Variants in RBM6 observed in about 807,000 individuals in gnomAD.
RBM6 encodes RNA binding motif protein 6.
RBM6 carries 23 observed loss-of-function variants against 140.4 expected under a neutral mutation model. The ratio of observed to expected loss-of-function variants is 0.16; its 90% CI spans 0.12 to 0.23. RBM6 has a LOEUF of 0.23. Among genes scored for constraint, RBM6 ranks in the 10% least tolerant of loss-of-function variants. RBM6 has a pLI of 1.00. For synonymous variants in RBM6, 439 were observed against 475.6 expected (o/e 0.92, Z 1.00); for missense variants, 1,139 against 1,386.7 (o/e 0.82, Z 2.84).
chr3:50,040,627 G>A (rs1323605061), intron 6 of RBM6, among the ~76,000 whole-genome samples: 1 of 149,326 alleles, frequency 6.7e-6, no homozygotes, highest in Non-Finnish European at 1.5e-5. Flanking sequence ...TCAGGGTCTG[G>A]CTTGGAGTGT....
At chr3:49,959,429 G>C (rs1323256564) in intron 1 of RBM6, among the ~76,000 whole-genome samples, 2 of 147,094 alleles carry the variant, frequency 1.4e-5, no homozygotes, top group Non-Finnish European at 3.0e-5. Context: ...TCAATCTCCT[G>C]ACCTTGTGAT....
rs2083334952 is a variant in RBM6 at position 49,942,592 on chromosome 3, A to C, written c.-67+2367A>C. ...CTATTTCTGAAACTTTAGTATCTCA[A>C]ACAGAAACTCTGTAACCAGGGAGGG... On this transcript the variant is annotated intron_variant, in intron 1 of 20. Coordinates refer to ENST00000266022, the MANE Select transcript of RBM6 (RefSeq NM_005777.3). Among the ~76,000 whole-genome samples, 3 of 151,714 alleles carry C rather than the reference A, an allele frequency of 2.0e-5. No homozygotes were observed. The South Asian group carries it at 6.2e-4, about 32-fold the overall frequency.
intron 6 of RBM6, among the ~76,000 whole-genome samples, chr3:50,021,725 T>C (rs932478406): frequency 1.4e-5 from 2 of 142,552 alleles, no homozygotes; most frequent in African/African-American, 2.6e-5. Flanking sequence ...ATCTCCATAC[T>C]GAGGAATTTA....
intron 19 of RBM6, among the ~76,000 whole-genome samples, chr3:50,072,887 C>A (rs1386825072): frequency 6.6e-6 from 1 of 152,126 alleles, no homozygotes; most frequent in Non-Finnish European, 1.5e-5. Context: ...ATTCTCAGCA[C>A]CCTTTATACC....
At chr3:49,955,572 G>T (rs1229726171) in intron 1 of RBM6, among the ~76,000 whole-genome samples, 2 of 152,084 alleles carry the variant, frequency 1.3e-5, no homozygotes, top group African/African-American at 4.8e-5. Context: ...GCTGGGCGCA[G>T]TGGCTCACGC....
intron 14 of RBM6, 198 bp downstream of exon 14, chr3:50,061,745 A>G: frequency 3.7e-6 from 5 of 1,341,188 alleles, no homozygotes; most frequent in Non-Finnish European, 4.0e-6. Context: ...TTGTGGCAAT[A>G]CAGGTAAGAA....
intron 5 of RBM6, among the ~76,000 whole-genome samples, chr3:49,983,592 ATATG>A (rs1355489201): frequency 6.6e-6 from 1 of 152,244 alleles, no homozygotes; most frequent in Non-Finnish European, 1.5e-5. Flanking sequence ...CATTTACAAA[ATATG>A]TAAACACTTT....
In RBM6 at chr3:50,015,431, A is replaced by T. The variant is rs866610388; in HGVS notation, c.1557+15918A>T. On this transcript the variant is annotated intron_variant, in intron 6 of 20. Coordinates refer to ENST00000266022, the MANE Select transcript of RBM6 (RefSeq NM_005777.3). Reference sequence around the variant, plus strand: ...AAATTTTTATTTTATTATTATTATTATTTTTTTTTTTTTTTTTGAGATGGA... The same window carrying T: ...AAATTTTTATTTTATTATTATTATTTTTTTTTTTTTTTTTTTTGAGATGGA... 2.5e-3 allele frequency among the ~76,000 whole-genome samples: 364 copies of T among 145,840 alleles called. 1 individual carries two copies. The highest frequency in any genetic ancestry group is 4.2e-3 in the Non-Finnish European group (279 of 66,386).
Position 49,967,827 on chromosome 3 carries a change from C to G in RBM6, c.402C>G (p.Asp134Glu), listed in dbSNP as rs1473682581. The part of the protein sequence containing the change: ...DFRDREGPPM[D>E]YRGGDGTSMD... Reference sequence around the variant, plus strand: ...GGGATAGAGAAGGACCACCTATGGACTATAGGGGTGGAGATGGTACTTCTA... The same window carrying G: ...GGGATAGAGAAGGACCACCTATGGAGTATAGGGGTGGAGATGGTACTTCTA... Residue 134 changes from aspartate to glutamate, a missense_variant, in exon 3 of 21, where the codon GAC becomes GAG. Asp to Glu is a conservative substitution (Grantham distance 45). This residue lies in a region of RBM6 where 566 missense variants were observed against 612.7 expected (regional missense o/e 0.92). Coordinates refer to ENST00000266022, the MANE Select transcript of RBM6 (RefSeq NM_005777.3). The surrounding 1 kb of genome is among the most constrained non-coding windows in gnomAD (Gnocchi z 4.0). 1.2e-6 allele frequency: 2 copies of G among 1,614,010 alleles called. No individual in the cohort carries two copies. The highest frequency in any genetic ancestry group is 1.7e-6 in the Non-Finnish European group (2 of 1,180,016).
intron 6 of RBM6, among the ~76,000 whole-genome samples, chr3:50,000,930 CTT>C (rs1291050071): frequency 3.3e-5 from 5 of 152,138 alleles, no homozygotes; most frequent in Non-Finnish European, 7.3e-5. Flanking sequence ...TTAGAGAAGA[CTT>C]TTGATGTATC....
intron 19 of RBM6, among the ~76,000 whole-genome samples, chr3:50,070,755 C>T (rs2023951): frequency 0.07 from 10,637 of 152,254 alleles, 386 homozygotes; most frequent in Non-Finnish European, 0.077. Flanking sequence ...TGGCTGGCAG[C>T]TTCGCCTTCC....
chr3:50,040,812 AT>A (rs761821144), intron 6 of RBM6, among the ~76,000 whole-genome samples: 3 of 151,694 alleles, frequency 2.0e-5, no homozygotes, highest in Non-Finnish European at 4.4e-5. Flanking sequence ...GCACACTACC[AT>A]TTTGTATTTT....
intron 6 of RBM6, among the ~76,000 whole-genome samples, chr3:50,015,434 T>TTA (rs2087085381): frequency 7.5e-6 from 1 of 132,634 alleles, no homozygotes; most frequent in Non-Finnish European, 1.6e-5. Flanking sequence ...TATTATTATT[T>TTA]TTTTTTTTTT....
chr3:50,010,079 G>A (rs2086771063), intron 6 of RBM6, among the ~76,000 whole-genome samples: 1 of 152,006 alleles, frequency 6.6e-6, no homozygotes, highest in East Asian at 1.9e-4. Flanking sequence ...TAGAGACAGG[G>A]TTTCACCATG....
intron 6 of RBM6, among the ~76,000 whole-genome samples, chr3:50,020,821 G>T (rs571234825): frequency 2.0e-5 from 3 of 152,034 alleles, no homozygotes; most frequent in African/African-American, 7.2e-5. Context: ...AGATAGAAAC[G>T]GTACAGTGAA....
intron 5 of RBM6, among the ~76,000 whole-genome samples, chr3:49,992,985 C>G (rs1372632888): frequency 6.6e-6 from 1 of 152,122 alleles, no homozygotes; most frequent in Non-Finnish European, 1.5e-5. Context: ...TTTAAGTGAA[C>G]AAAAGTTGAA....
intron 2 of RBM6, 64 bp downstream of exon 2, chr3:49,962,749 G>A (rs897176782): frequency 9.2e-5 from 126 of 1,367,366 alleles, no homozygotes; most frequent in Non-Finnish European, 1.2e-4. Context: ...TAACATTTTC[G>A]CCTACTATAA....
At chr3:49,994,437 C>T (rs2085975761) in intron 5 of RBM6, among the ~76,000 whole-genome samples, 1 of 152,126 alleles carries the variant, frequency 6.6e-6, no homozygotes, top group African/African-American at 2.4e-5. Context: ...CTGTTATTCC[C>T]ACTGACAGGA....
intron 3 of RBM6, among the ~76,000 whole-genome samples, chr3:49,969,517 A>G (rs1234725729): frequency 6.8e-6 from 1 of 147,120 alleles, no homozygotes; most frequent in Non-Finnish European, 1.5e-5. Context: ...ATTTATATAT[A>G]TATATTTCTT....
Sources: allele counts gnomAD v4.1 joint callset (sites outside exome capture counted in the v4.1 genomes callset), GRCh38; gene constraint gnomAD v4.1.1; regional missense constraint gnomAD v4.1.1; non-coding constraint Gnocchi (gnomAD v3.1); transcripts MANE v1.5; gene names NCBI Gene and HGNC (gene_info 2026-07-23, HGNC 2026-07-21).